FBXL7: variants seen among roughly 807,000 people sequenced by gnomAD.
FBXL7 encodes the protein F-box/LRR-repeat protein 7.
A neutral mutation model predicts 38.3 loss-of-function variants in FBXL7; 12 were observed. That is an observed-to-expected ratio of 0.31 (90% CI 0.20 to 0.51). The LOEUF (loss-of-function observed/expected upper bound fraction) is 0.51, where lower values mean the gene tolerates loss of function less well. Ranked by LOEUF, FBXL7 falls within the 20% of genes least tolerant of loss-of-function variation. The probability of loss-of-function intolerance (pLI) is 0.98; values close to 1 mark genes in which losing one functional copy is unlikely to be tolerated. For synonymous variants in FBXL7, 297 were observed against 300.9 expected, an observed-to-expected ratio of 0.99 and a Z score of 0.13; for missense variants, 567 against 676.4, an observed-to-expected ratio of 0.84 and a Z score of 1.79.
chr5:15,538,777 G>A (rs1446849375), intron 1 of FBXL7, among the ~76,000 whole-genome samples: 5 of 152,180 alleles, frequency 3.3e-5, no homozygotes, highest in Non-Finnish European at 5.9e-5. Flanking sequence ...GGCAGCAGTG[G>A]ATCAATGGAA....
intron 1 of FBXL7, among the ~76,000 whole-genome samples, chr5:15,612,867 A>G (rs1740300414): frequency 6.6e-6 from 1 of 152,240 alleles, no homozygotes; most frequent in African/African-American, 2.4e-5. Context: ...CATTGGCTTT[A>G]GCAGTGAGTA....
chr5:15,738,291 TAAAG>T (rs1304746907), intron 2 of FBXL7, among the ~76,000 whole-genome samples: 2 of 152,186 alleles, frequency 1.3e-5, no homozygotes, highest in Middle Eastern at 3.2e-3. Flanking sequence ...AATAATATAA[TAAAG>T]AAAGTGCTTT....
At chr5:15,521,569 A>G (rs1046893958) in intron 1 of FBXL7, among the ~76,000 whole-genome samples, 5 of 152,284 alleles carry the variant, frequency 3.3e-5, no homozygotes, top group African/African-American at 1.2e-4. Context: ...CGGTGGTTAT[A>G]TAGATTTAGA....
intron 1 of FBXL7, among the ~76,000 whole-genome samples, chr5:15,502,519 A>C (rs1363511430): frequency 6.6e-6 from 1 of 152,122 alleles, no homozygotes; most frequent in African/African-American, 2.4e-5. Context: ...TTATAGGAAA[A>C]ACCTCTTGTG....
chr5:15,777,413 A>C (rs575060296), intron 2 of FBXL7, among the ~76,000 whole-genome samples: 1 of 152,072 alleles, frequency 6.6e-6, no homozygotes, highest in Non-Finnish European at 1.5e-5. Context: ...CGTATTCCCT[A>C]TCATCTACCT....
At chr5:15,684,024 A>G (rs1004267992) in intron 2 of FBXL7, among the ~76,000 whole-genome samples, 4 of 152,162 alleles carry the variant, frequency 2.6e-5, no homozygotes, top group Non-Finnish European at 5.9e-5. Flanking sequence ...ATTTTCCCAC[A>G]TTGATTGAGA....
intron 2 of FBXL7, among the ~76,000 whole-genome samples, chr5:15,809,349 C>G (rs1461322181): frequency 6.6e-6 from 1 of 152,182 alleles, no homozygotes; most frequent in Non-Finnish European, 1.5e-5. Flanking sequence ...GTTAAAAGCA[C>G]AGAACCCGGG....
In FBXL7 at chr5:15,789,654, G is replaced by T. The variant is rs182102936; in HGVS notation, c.128-138236G>T. Among the ~76,000 whole-genome samples, 130 of 152,214 alleles carry T rather than the reference G, an allele frequency of 8.5e-4. 1 individual carries two copies. Among genetic ancestry groups the T allele is most frequent in the Admixed American group, 8.3e-3 (127 of 15,288 alleles). ...GCTTGCACTTTCCCCATCCTGCAAG[G>T]CTCTCCAGTTCTCTGTAGACCCCAG... On this transcript the variant is annotated intron_variant, in intron 2 of 3. Transcript: ENST00000504595.
At chr5:15,659,341 TA>T (rs78628243) in intron 2 of FBXL7, among the ~76,000 whole-genome samples, 8,963 of 151,762 alleles carry the variant, frequency 0.059, 724 homozygotes, top group East Asian at 0.35. Context: ...AAACAATAAT[TA>T]AAAAAAAGTT....
intron 2 of FBXL7, among the ~76,000 whole-genome samples, chr5:15,919,841 C>T (rs549635986): frequency 2.0e-5 from 3 of 152,294 alleles, no homozygotes; most frequent in African/African-American, 7.2e-5. Context: ...GATTTGGAGG[C>T]ATTCTCACCA....
chr5:15,564,350 A>C (rs1738500485), intron 1 of FBXL7, among the ~76,000 whole-genome samples: 1 of 150,966 alleles, frequency 6.6e-6, no homozygotes, highest in African/African-American at 2.4e-5. Context: ...CAGTTGAGTG[A>C]ATAGGACAAT....
At chr5:15,546,350 T>C in intron 1 of FBXL7, among the ~76,000 whole-genome samples, 1 of 152,132 alleles carries the variant, frequency 6.6e-6, no homozygotes, top group East Asian at 1.9e-4. Flanking sequence ...GTAGATCACC[T>C]GAGGTCAGGA....
chr5:15,547,805 C>G (rs1295691110), intron 1 of FBXL7, among the ~76,000 whole-genome samples: 2 of 152,200 alleles, frequency 1.3e-5, no homozygotes, highest in African/African-American at 4.8e-5. Flanking sequence ...CCAGCACATC[C>G]TACAGTTATT....
intron 2 of FBXL7, among the ~76,000 whole-genome samples, chr5:15,821,203 T>C (rs1738160689): frequency 6.6e-6 from 1 of 152,258 alleles, no homozygotes; most frequent in Non-Finnish European, 1.5e-5. Flanking sequence ...ATTTTACTTA[T>C]ACTACCTTTT....
In FBXL7 at chr5:15,754,532, A is replaced by G. The variant is rs1736240547; in HGVS notation, c.127+138460A>G. On this transcript the variant is annotated intron_variant, in intron 2 of 3. Coordinates refer to ENST00000504595, the MANE Select transcript of FBXL7 (RefSeq NM_012304.5). ...CAACAGGCTTATGTACATATTGGAT[A>G]CGGGAAAAAGAAGATTTTGATTGAT... Among the ~76,000 whole-genome samples the G allele has an allele frequency of 3.3e-5, 5 of 152,186 alleles. No individual in the cohort carries two copies. The South Asian group carries it at 1.0e-3, about 32-fold the overall frequency.
intron 3 of FBXL7, chr5:15,935,272 G>A (rs377502219): frequency 1.1e-5 from 6 of 533,576 alleles, no homozygotes; most frequent in Non-Finnish European, 1.9e-5. Context: ...GGCAAGCTTC[G>A]AGTTCCGTTT....
chr5:15,803,253 A>T (rs2126743811), intron 2 of FBXL7, among the ~76,000 whole-genome samples: 1 of 152,318 alleles, frequency 6.6e-6, no homozygotes, highest in East Asian at 1.9e-4. Flanking sequence ...TATCTATGGA[A>T]CAATGAGTTT....
chr5:15,608,584 A>G (rs1454529486), intron 1 of FBXL7, among the ~76,000 whole-genome samples: 1 of 152,204 alleles, frequency 6.6e-6, no homozygotes, highest in Admixed American at 6.5e-5. Flanking sequence ...ATCTACAATC[A>G]GTGGACTTTA....
chr5:15,795,587 A>G (rs181985386), intron 2 of FBXL7, among the ~76,000 whole-genome samples: 4 of 152,242 alleles, frequency 2.6e-5, no homozygotes, highest in Non-Finnish European at 4.4e-5. Context: ...TGGAGAGAAA[A>G]AAGCCTTCTT....
Sources: allele counts gnomAD v4.1 joint callset (sites outside exome capture counted in the v4.1 genomes callset), GRCh38; gene constraint gnomAD v4.1.1; transcripts MANE v1.5; gene names NCBI Gene and HGNC (gene_info 2026-07-23, HGNC 2026-07-21).